Variants in MYO18A observed in about 807,000 individuals in gnomAD.
MYO18A encodes myosin XVIIIA.
Under a neutral mutation model 235.8 loss-of-function variants are expected in MYO18A, and 78 were observed. That is an observed-to-expected ratio of 0.33 (90% CI 0.28 to 0.40). MYO18A has a LOEUF of 0.40. Ranked by LOEUF, MYO18A falls within the 10% of genes least tolerant of loss-of-function variation. MYO18A has a pLI of 1.00. For synonymous variants in MYO18A, 977 were observed against 1,077.8 expected, an observed-to-expected ratio of 0.91 and a Z score of 1.83; for missense variants, 2,215 against 2,699.3, an observed-to-expected ratio of 0.82 and a Z score of 3.98.
In MYO18A at chr17:29,133,784, A is replaced by T. The variant is rs1372085859; in HGVS notation, c.1000-11531T>A. 2.3e-6 allele frequency: 3 copies of T among 1,289,004 alleles called. No individual in the cohort carries two copies. The South Asian group carries it at 3.7e-5, about 16-fold the overall frequency. The allele number at this position is 1,289,004 out of a possible 1,614,324, so 79.8% of individuals were successfully genotyped here. On this transcript the variant is annotated intron_variant, in intron 2 of 41. Coordinates refer to ENST00000527372, the MANE Select transcript of MYO18A (RefSeq NM_078471.4). ...CACACAGGAAAAACATAAAGATTTT[A>T]AAATCCAACTTTCCTTTTGCTCCCA...
chr17:29,128,983 G>T, intron 2 of MYO18A: 1 of 1,149,564 alleles, frequency 8.7e-7, no homozygotes, highest in Non-Finnish European at 1.2e-6. Context: ...ATGGAGCATG[G>T]AGAGGTCAAA....
At chr17:29,104,754 A>G (rs1266793942) in intron 20 of MYO18A, among the ~76,000 whole-genome samples, 3 of 152,076 alleles carry the variant, frequency 2.0e-5, no homozygotes, top group Admixed American at 2.0e-4. Context: ...GCAAGTGGAA[A>G]AGAGGACCTC....
rs2067167859 is a variant in MYO18A, at chr17:29,120,332, G to C, written c.1728+284C>G. Among the ~76,000 whole-genome samples, 1 of 151,994 alleles carries C rather than the reference G, an allele frequency of 6.6e-6. No homozygotes were observed. Among genetic ancestry groups the C allele is most frequent in the Non-Finnish European group, 1.5e-5 (1 of 68,040 alleles). On this transcript the variant is annotated intron_variant, in intron 7 of 41. Transcript: ENST00000527372. This position sits in a 1 kb window ranked among gnomAD's most constrained non-coding sequence, Gnocchi z 4.2. ...AAGCCCCGAGCATGAATCTCAGAAA[G>C]TGGGAAGTAAGGCTGAGGCCCAGCA...
At chr17:29,083,419 G>A (rs1403120183) in intron 40 of MYO18A, among the ~76,000 whole-genome samples, 1 of 151,962 alleles carries the variant, frequency 6.6e-6, no homozygotes, top group Non-Finnish European at 1.5e-5. Flanking sequence ...GCTATGGATA[G>A]GCTAGGGTTT....
chr17:29,073,158 C>G lies in MYO18A; in HGVS notation c.*1612G>C, dbSNP rs1234520711. 1 of 150,430 alleles carries G rather than the reference C, an allele frequency of 6.6e-6. No homozygotes were observed. The highest frequency in any genetic ancestry group is 2.5e-5 in the African/African-American group (1 of 40,546). 9.3% of individuals were successfully genotyped at this position (150,430 alleles called of 1,614,324 possible). On this transcript the variant is annotated 3_prime_UTR_variant, in exon 42 of 42. Coordinates refer to ENST00000527372, the MANE Select transcript of MYO18A (RefSeq NM_078471.4). ...GGAAGAGAAGAGAAGAGAAGAGAAT[C>G]TCTGTAATTGGTGAGATTTAACAAT...
rs760881299 is a variant in MYO18A, at chr17:29,120,781, GA to G, written c.1586-24del. On this transcript the variant is annotated intron_variant, in intron 6 of 41. Coordinates refer to ENST00000527372, the MANE Select transcript of MYO18A (RefSeq NM_078471.4). This position sits in a 1 kb window ranked among gnomAD's most constrained non-coding sequence, Gnocchi z 4.2. The stretch of plus-strand genomic sequence containing the variant: ...CCACTGCAGAATACAGGCCCAAGGG[GA>G]TATCAGGAAAGCCAGGGGCAGCTTA... The G allele has an allele frequency of 6.2e-7, 1 of 1,604,896 alleles. No individual in the cohort carries two copies. The highest frequency in any genetic ancestry group is 1.1e-5 in the South Asian group (1 of 90,262).
chr17:29,116,336 CA>C (rs2067059439), intron 11 of MYO18A, 107 bp downstream of exon 11: 4 of 1,385,360 alleles, frequency 2.9e-6, no homozygotes, highest in Non-Finnish European at 4.1e-6. Context: ...AGTGGGGAGG[CA>C]AAAAAGCCAC....
intron 2 of MYO18A, among the ~76,000 whole-genome samples, chr17:29,128,811 C>T (rs2067389249): frequency 6.6e-6 from 1 of 152,226 alleles, no homozygotes; most frequent in African/African-American, 2.4e-5. Flanking sequence ...TATCCCCAGA[C>T]TTAGCATGGA....
At chr17:29,167,579 G>C (rs549949415) in intron 1 of MYO18A, among the ~76,000 whole-genome samples, 1 of 152,176 alleles carries the variant, frequency 6.6e-6, no homozygotes, top group East Asian at 1.9e-4. Context: ...CAGGCATGCT[G>C]GTGCATGCCC....
At chr17:29,113,860 AGAG>A (rs2066991902) in intron 15 of MYO18A, 148 bp downstream of exon 15, 1 of 626,342 alleles carries the variant, frequency 1.6e-6, no homozygotes, top group African/African-American at 1.8e-5. Context: ...CCAGCACCAG[AGAG>A]TAGTTGGTGT....
rs2066901163 is a variant in MYO18A, at chr17:29,110,412, TGCTGGGACCCG to T, written c.3087+13_3087+23del. ...GTAAGGAAGGGTCCCCAGGCCTGCC[TGCTGGGACCCG>T]GCTGGCACTCACCACCTGTAGCTTC... On this transcript the variant is annotated intron_variant, in intron 18 of 41. Transcript: ENST00000527372. 1 of 1,558,264 alleles carries T rather than the reference TGCTGGGACCCG, an allele frequency of 6.4e-7. No homozygotes were observed. The highest frequency in any genetic ancestry group is 8.7e-7 in the Non-Finnish European group (1 of 1,150,194).
At position 29,116,515 on chromosome 17, in the gene MYO18A, C is replaced by G. The variant is rs576370380; in HGVS notation, c.2039-60G>C. ...GAAAAACAGTGTGTTAGCAAACAGT[C>G]ATCAATAGAGCTCGCCGCCTCGGAG... On this transcript the variant is annotated intron_variant, in intron 10 of 41. Coordinates refer to ENST00000527372, the MANE Select transcript of MYO18A (RefSeq NM_078471.4). 84 of 1,611,188 alleles carry G rather than the reference C, an allele frequency of 5.2e-5. 1 individual carries two copies. The South Asian group carries it at 9.2e-4, about 18-fold the overall frequency.
rs907774388 is a variant in MYO18A at position 29,158,202 on chromosome 17, G to A, written c.999+7740C>T. Reference sequence around the variant, plus strand: ...ACCCGGCGAACACCCGGCAAACACCGACATCCTGCCCTGGCCCAGAGTCTG... The same window carrying A: ...ACCCGGCGAACACCCGGCAAACACCAACATCCTGCCCTGGCCCAGAGTCTG... On this transcript the variant is annotated intron_variant, in intron 2 of 41. Coordinates refer to ENST00000527372, the MANE Select transcript of MYO18A (RefSeq NM_078471.4). The surrounding 1 kb of genome is among the most constrained non-coding windows in gnomAD (Gnocchi z 4.3). Among the ~76,000 whole-genome samples the A allele has an allele frequency of 6.6e-5, 10 of 152,126 alleles. No individual in the cohort carries two copies. Among genetic ancestry groups the A allele is most frequent in the Non-Finnish European group, 1.3e-4 (9 of 68,016 alleles).
At position 29,125,240 on chromosome 17, in the gene MYO18A, T is replaced by C. The variant is rs2152873382; in HGVS notation, c.1000-2987A>G. On this transcript the variant is annotated intron_variant, in intron 2 of 41. Transcript: ENST00000527372. This position sits in a 1 kb window ranked among gnomAD's most constrained non-coding sequence, Gnocchi z 5.1. ...AGGGCTGTGTTCAGAGCTGTCGCCC[T>C]GCACCTCTCATAGAACACAGCTCCC... is the stretch of plus-strand genomic sequence containing the variant. Among the ~76,000 whole-genome samples the C allele has an allele frequency of 6.6e-6, 1 of 152,318 alleles. No individual in the cohort carries two copies. Among genetic ancestry groups the C allele is most frequent in the South Asian group, 2.1e-4 (1 of 4,824 alleles).
intron 2 of MYO18A, among the ~76,000 whole-genome samples, chr17:29,138,232 G>A (rs984750169): frequency 2.0e-5 from 3 of 152,146 alleles, no homozygotes; most frequent in Admixed American, 2.0e-4. Context: ...ATCCACACCA[G>A]ACATCTGCAC....
intron 40 of MYO18A, among the ~76,000 whole-genome samples, chr17:29,084,912 G>A (rs529381280): frequency 1.3e-5 from 2 of 152,266 alleles, no homozygotes; most frequent in East Asian, 1.9e-4. Flanking sequence ...CCCAGAAAGC[G>A]GGAAAAGAGA....
At chr17:29,139,634 A>G (rs889660638) in intron 2 of MYO18A, among the ~76,000 whole-genome samples, 9 of 152,230 alleles carry the variant, frequency 5.9e-5, no homozygotes, top group Non-Finnish European at 1.0e-4. Context: ...GGGTAGAGTC[A>G]GGGGAACGGG....
In MYO18A at chr17:29,096,793, G is replaced by T; in HGVS notation, c.4353C>A (p.Val1451=). The T allele has an allele frequency of 6.2e-7, 1 of 1,606,790 alleles. No homozygotes were observed. Residue 1451 remains valine, a synonymous_variant, in exon 28 of 42, where the codon GTC becomes GTA. Coordinates refer to ENST00000527372, the MANE Select transcript of MYO18A (RefSeq NM_078471.4). ...GCTTCTTCTCCAGTTCGTGGTTGCGGACCTGCTGGCCCTCCAGGTGCAGCT... is the reference window on the plus strand; with the variant it reads ...GCTTCTTCTCCAGTTCGTGGTTGCGTACCTGCTGGCCCTCCAGGTGCAGCT... The part of the protein sequence containing the change: ...DTKLHLEGQQ[V]RNHELEKKQR...
rs768497865 is a variant in MYO18A at position 29,121,632 on chromosome 17, T to C, written c.1286A>G (p.Tyr429Cys). 9 of 1,581,248 alleles carry C rather than the reference T, an allele frequency of 5.7e-6. No individual in the cohort carries two copies. The highest frequency in any genetic ancestry group is 1.7e-4 in the Middle Eastern group (1 of 5,984). The change falls in exon 5 of 42, where the codon TAT becomes TGT. Residue 429 changes from tyrosine (Y) to cysteine (C), a missense_variant. Transcript: ENST00000527372. The surrounding 1 kb of genome is among the most constrained non-coding windows in gnomAD (Gnocchi z 4.2). ...ATACGTGTGCAGCAGGCTAGCGCCA[T>C]AGCGCTGGCGCAAGGTGTGCAGGAC... is the stretch of plus-strand genomic sequence containing the variant. ...SSVLHTLRQR[Y>C]GASLLHTYAG... is the part of the protein sequence containing the mutation.
Sources: gnomAD v4.1 joint callset for allele counts (sites outside exome capture counted in the v4.1 genomes callset) on GRCh38, gnomAD v4.1.1 for gene constraint, Gnocchi (gnomAD v3.1) non-coding constraint, MANE v1.5 for transcripts, NCBI Gene and HGNC (gene_info 2026-07-23, HGNC 2026-07-21) for gene names.